The following PRKD1 variants were observed in gnomAD, a reference collection of about 807,000 sequenced individuals.
PRKD1 encodes protein kinase D1.
Under a neutral mutation model 95.9 loss-of-function variants are expected in PRKD1, and 63 were observed. The observed-to-expected ratio is 0.66, with a 90% CI of 0.54 to 0.81. The LOEUF (loss-of-function observed/expected upper bound fraction) is 0.81. Among genes scored for constraint, PRKD1 ranks in the 30% least tolerant of loss-of-function variants. The pLI is 0.00. For missense variants in PRKD1, 1,048 were observed against 1,165.3 expected (o/e 0.90, Z 1.47); for synonymous variants, 425 against 423.1 (o/e 1.00, Z -0.05).
Position 29,710,379 on chromosome 14 carries a change from T to A in PRKD1, c.403+15157A>T, listed in dbSNP as rs1296821546. Among the ~76,000 whole-genome samples the A allele has an allele frequency of 2.0e-5, 3 of 152,148 alleles. No individual in the cohort carries two copies. In the East Asian group the frequency reaches 5.8e-4, roughly 29 times the overall value. ...GTCATGTGGATATCATGTACCCCTA[T>A]GTGACGTGATAAGAAAGCTACTTCA... is the stretch of plus-strand genomic sequence containing the variant. On this transcript the variant is annotated intron_variant, in intron 2 of 17. Transcript: ENST00000331968.
intron 2 of PRKD1, among the ~76,000 whole-genome samples, chr14:29,679,661 G>T (rs1883421028): frequency 6.6e-6 from 1 of 151,466 alleles, no homozygotes; most frequent in Non-Finnish European, 1.5e-5. Flanking sequence ...AGGAAGAGAT[G>T]CAGGCAAAGA....
chr14:29,636,423 TC>T lies in PRKD1; in HGVS notation c.1056del (p.Asn353ThrfsTer55). 6.2e-7 allele frequency: 1 copy of T among 1,614,118 alleles called. No homozygotes were observed. Among genetic ancestry groups the T allele is most frequent in the Non-Finnish European group, 8.5e-7 (1 of 1,180,030 alleles). On this transcript the variant is annotated frameshift_variant, in exon 7 of 18. Coordinates refer to ENST00000331968, the MANE Select transcript of PRKD1 (RefSeq NM_002742.3). LOFTEE classifies it high-confidence loss of function. Reference sequence around the variant, plus strand: ...TCCATATCATCCATGAGCCCACTGTTCCTTTCACTATCATTGTCATCACTCC... The same window carrying T: ...TCCATATCATCCATGAGCCCACTGTTCTTTCACTATCATTGTCATCACTCC... The part of the protein sequence containing the change: ...EEGSDDNDSE[R>X]NSGLMDDMEE...
chr14:29,821,933 T>C (rs1890928985), intron 1 of PRKD1, among the ~76,000 whole-genome samples: 1 of 151,970 alleles, frequency 6.6e-6, no homozygotes, highest in Non-Finnish European at 1.5e-5. Flanking sequence ...TTTTAAACAC[T>C]TTGCCTTTAT....
chr14:29,789,505 T>C (rs527244256), intron 1 of PRKD1, among the ~76,000 whole-genome samples: 82 of 152,312 alleles, frequency 5.4e-4, no homozygotes, highest in African/African-American at 1.9e-3. Context: ...TTTGACTCTA[T>C]CAGCATTAGT....
chr14:29,864,149 T>G (rs2139364717), intron 1 of PRKD1, among the ~76,000 whole-genome samples: 1 of 152,238 alleles, frequency 6.6e-6, no homozygotes, highest in South Asian at 2.1e-4. Flanking sequence ...TAAAACATTT[T>G]GTCACTACTG....
At position 29,865,290 on chromosome 14, in the gene PRKD1, C is replaced by A. The variant is rs45495403; in HGVS notation, c.264+61959G>T. On this transcript the variant is annotated intron_variant, in intron 1 of 17. Transcript: ENST00000331968. ...ACAGAATAGGCACTGAATAAACAGC[C>A]GTTAAATAAATAGGTTTTTTTAAAA... Among the ~76,000 whole-genome samples the A allele has an allele frequency of 2.0e-5, 3 of 151,982 alleles. No individual in the cohort carries two copies. The South Asian group carries it at 6.2e-4, about 32-fold the overall frequency.
intron 4 of PRKD1, chr14:29,656,630 CA>C (rs1314828065): frequency 1.1e-4 from 109 of 962,954 alleles, no homozygotes; most frequent in South Asian, 1.4e-4. Flanking sequence ...GGCATGCTTT[CA>C]AAAAAAAGCA....
chr14:29,808,390 T>C (rs1327977898), intron 1 of PRKD1, among the ~76,000 whole-genome samples: 2 of 110,124 alleles, frequency 1.8e-5, no homozygotes, highest in African/African-American at 7.6e-5. Context: ...TTTTTTTTTT[T>C]TTTTTTTTTT....
chr14:29,889,125 C>T (rs1169324863), intron 1 of PRKD1, among the ~76,000 whole-genome samples: 1 of 152,170 alleles, frequency 6.6e-6, no homozygotes, highest in Non-Finnish European at 1.5e-5. Context: ...TTCAAATGGG[C>T]TATCTGATAG....
Position 29,594,153 on chromosome 14 carries a change from T to C in PRKD1, c.2434+3338A>G, listed in dbSNP as rs1032764638. The stretch of plus-strand genomic sequence containing the variant: ...AGCACCCCAAGATATAGGTATTATA[T>C]TGTATCAAGTCAACATCTACACTAA... On this transcript the variant is annotated intron_variant, in intron 16 of 17. Coordinates refer to ENST00000331968, the MANE Select transcript of PRKD1 (RefSeq NM_002742.3). 1.1e-5 allele frequency: 5 copies of C among 454,024 alleles called. No individual in the cohort carries two copies. The Admixed American group carries it at 1.2e-4, about 11-fold the overall frequency. 28.1% of individuals were successfully genotyped at this position (454,024 alleles called of 1,614,324 possible).
At chr14:29,769,607 T>C (rs1186261111) in intron 1 of PRKD1, among the ~76,000 whole-genome samples, 1 of 151,964 alleles carries the variant, frequency 6.6e-6, no homozygotes, top group African/African-American at 2.4e-5. Flanking sequence ...AGAGAGACAG[T>C]CCATGTGTGT....
At chr14:29,680,282 A>G (rs1284689209) in intron 2 of PRKD1, among the ~76,000 whole-genome samples, 1 of 152,210 alleles carries the variant, frequency 6.6e-6, no homozygotes, top group Non-Finnish European at 1.5e-5. Context: ...ACATACCATT[A>G]TCTTTGAAGC....
intron 2 of PRKD1, among the ~76,000 whole-genome samples, chr14:29,674,490 C>A (rs1566530616): frequency 2.0e-5 from 3 of 152,120 alleles, no homozygotes; most frequent in South Asian, 2.1e-4. Flanking sequence ...GATTAGAGAG[C>A]ATCTCAGGTC....
At chr14:29,747,293 G>A (rs1407423024) in intron 1 of PRKD1, among the ~76,000 whole-genome samples, 2 of 152,062 alleles carry the variant, frequency 1.3e-5, no homozygotes, top group Admixed American at 1.3e-4. Context: ...AACAAAAAGG[G>A]GAAAGTAACA....
At chr14:29,710,386 T>G (rs1053713705) in intron 2 of PRKD1, among the ~76,000 whole-genome samples, 1 of 152,164 alleles carries the variant, frequency 6.6e-6, no homozygotes, top group African/African-American at 2.4e-5. Context: ...CTATGTGACG[T>G]GATAAGAAAG....
At position 29,836,946 on chromosome 14, in the gene PRKD1, A is replaced by C. The variant is rs11844068; in HGVS notation, c.264+90303T>G. 2.8e-3 allele frequency among the ~76,000 whole-genome samples: 424 copies of C among 152,324 alleles called. 1 individual carries two copies. The highest frequency in any genetic ancestry group is 9.5e-3 in the African/African-American group (396 of 41,580). On this transcript the variant is annotated intron_variant, in intron 1 of 17. Coordinates refer to ENST00000331968, the MANE Select transcript of PRKD1 (RefSeq NM_002742.3). ...CCACATGATTCCATGAAGTACTCAT[A>C]AAATTCATAATAAAATCACAATCAC... is the stretch of plus-strand genomic sequence containing the variant.
chr14:29,693,812 TGTTACCC>T (rs1884372562), intron 2 of PRKD1, among the ~76,000 whole-genome samples: 1 of 152,162 alleles, frequency 6.6e-6, no homozygotes, highest in Non-Finnish European at 1.5e-5. Context: ...ACTCACAGAC[TGTTACCC>T]AGATGGTTTC....
intron 1 of PRKD1, among the ~76,000 whole-genome samples, chr14:29,826,861 A>ATATATGTG (rs1891216402): frequency 9.8e-6 from 1 of 102,430 alleles, no homozygotes; most frequent in Non-Finnish European, 2.0e-5. Flanking sequence ...ATATATATAT[A>ATATATGTG]TATATATATA....
At position 29,918,096 on chromosome 14, in the gene PRKD1, G is replaced by T. The variant is rs1009537678; in HGVS notation, c.264+9153C>A. Among the ~76,000 whole-genome samples the T allele has an allele frequency of 5.3e-5, 8 of 152,028 alleles. No individual in the cohort carries two copies. In the South Asian group the frequency reaches 1.7e-3, roughly 32 times the overall value. Reference sequence around the variant, plus strand: ...GCAGGAAATATATTGCCTGATTGTAGATTTTAAATGTTCTCACCACACACA... The same window carrying T: ...GCAGGAAATATATTGCCTGATTGTATATTTTAAATGTTCTCACCACACACA... On this transcript the variant is annotated intron_variant, in intron 1 of 17. Transcript: ENST00000331968.
Sources: gnomAD v4.1 joint callset for allele counts (sites outside exome capture counted in the v4.1 genomes callset) on GRCh38, gnomAD v4.1.1 for gene constraint, MANE v1.5 for transcripts, NCBI Gene and HGNC (gene_info 2026-07-23, HGNC 2026-07-21) for gene names.